MYOZ1: variants seen among roughly 807,000 people sequenced by gnomAD.
MYOZ1 encodes myozenin 1.
MYOZ1 carries 20 observed loss-of-function variants against 28.7 expected under a neutral mutation model. The ratio of observed to expected loss-of-function variants is 0.70; its 90% CI spans 0.49 to 1.01. The LOEUF (loss-of-function observed/expected upper bound fraction) is 1.01. MYOZ1 is among the 50% of genes least tolerant of loss of function. The pLI is 0.00. For synonymous variants in MYOZ1, 144 were observed against 145.8 expected (o/e 0.99, Z 0.09); for missense variants, 371 against 372.4 (o/e 1.00, Z 0.03).
Position 73,631,821 on chromosome 10 carries a change from TCC to T in MYOZ1, c.*107_*108del. 4 of 955,370 alleles carry T rather than the reference TCC, an allele frequency of 4.2e-6. No homozygotes were observed. Among genetic ancestry groups the T allele is most frequent in the East Asian group, 5.2e-5 (2 of 38,426 alleles). The allele number at this position is 955,370 out of a possible 1,614,324, so 59.2% of individuals were successfully genotyped here. The stretch of plus-strand genomic sequence containing the variant: ...GAAAGGTAGATCTCTCCTTTTTCCC[TCC>T]ATTCCCATAAGGATACTGGATTAAC... On this transcript the variant is annotated 3_prime_UTR_variant, in exon 6 of 6. Coordinates refer to ENST00000359322, the MANE Select transcript of MYOZ1 (RefSeq NM_021245.4).
Position 73,634,550 on chromosome 10 carries a change from C to A in MYOZ1, c.436G>T (p.Gly146Cys). 1 of 1,614,144 alleles carries A rather than the reference C, an allele frequency of 6.2e-7. No homozygotes were observed. The highest frequency in any genetic ancestry group is 8.5e-7 in the Non-Finnish European group (1 of 1,180,038). Residue 146 changes from glycine (G) to cysteine (C), a missense_variant, in exon 4 of 6, where the codon GGT becomes TGT. Gly to Cys is a radical substitution (Grantham distance 159). Transcript: ENST00000359322. Reference sequence around the variant, plus strand: ...CCTCTGCCAGCCTGGCCCGCGGGACCACCTGTACCCCCAGCTCCAGACCCA... The same window carrying A: ...CCTCTGCCAGCCTGGCCCGCGGGACAACCTGTACCCCCAGCTCCAGACCCA... Reference protein sequence around the residue: ...GSGSGAGGTGGPAGQAGRGGA... With the variant: ...GSGSGAGGTGCPAGQAGRGGA...
chr10:73,633,608 C>T (rs776325109), intron 5 of MYOZ1, among the ~76,000 whole-genome samples: 6 of 152,052 alleles, frequency 3.9e-5, no homozygotes, highest in Non-Finnish European at 8.8e-5. Flanking sequence ...ATAAGTGTAA[C>T]GTTCAAAGCA....
chr10:73,639,639 C>G (rs1466618536), intron 2 of MYOZ1, among the ~76,000 whole-genome samples: 2 of 152,172 alleles, frequency 1.3e-5, no homozygotes, highest in Admixed American at 6.5e-5. Context: ...TGAGTCTGTG[C>G]CAGTCTCCAT....
At chr10:73,638,033 G>C in intron 2 of MYOZ1, 111 bp from the exon 3 acceptor site, 1 of 958,356 alleles carries the variant, frequency 1.0e-6, no homozygotes, top group Non-Finnish European at 1.6e-6. Context: ...CCTGGCAGAG[G>C]TCATTTAGGG....
chr10:73,632,948 T>G, intron 5 of MYOZ1, among the ~76,000 whole-genome samples: 1 of 151,930 alleles, frequency 6.6e-6, no homozygotes, highest in East Asian at 1.9e-4. Flanking sequence ...CACACAGACC[T>G]CCTCTCCATG....
chr10:73,639,962 A>T lies in MYOZ1; in HGVS notation c.56T>A (p.Ile19Asn). 1.2e-6 allele frequency: 2 copies of T among 1,613,956 alleles called. No individual in the cohort carries two copies. Among genetic ancestry groups the T allele is most frequent in the Non-Finnish European group, 1.7e-6 (2 of 1,179,946 alleles). ...PNKKRKSSKLIMELTGGGQES... is the reference protein window; with the variant it reads ...PNKKRKSSKLNMELTGGGQES... ...TGTCCTACCTCCAGTGAGTTCCATGATCAGCTTGCTGGATTTCCTCTTCTT... is the reference window on the plus strand; with the variant it reads ...TGTCCTACCTCCAGTGAGTTCCATGTTCAGCTTGCTGGATTTCCTCTTCTT... Residue 19 changes from isoleucine to asparagine, a missense_variant, in exon 2 of 6, where the codon ATC becomes AAC. Transcript: ENST00000359322.
intron 3 of MYOZ1, among the ~76,000 whole-genome samples, chr10:73,635,708 G>A (rs2081663784): frequency 6.6e-6 from 1 of 152,156 alleles, no homozygotes; most frequent in Admixed American, 6.5e-5. Flanking sequence ...GGATGGGGTT[G>A]CCATGGAGCA....
intron 5 of MYOZ1, among the ~76,000 whole-genome samples, chr10:73,633,322 G>GA (rs1250822950): frequency 1.3e-5 from 2 of 151,904 alleles, no homozygotes; most frequent in Admixed American, 6.6e-5. Context: ...AGAAAGAAAA[G>GA]AAAAAAGTAT....
chr10:73,633,800 C>T, intron 5 of MYOZ1, 100 bp downstream of exon 5: 1 of 1,323,532 alleles, frequency 7.6e-7, no homozygotes, highest in Non-Finnish European at 1.0e-6. Flanking sequence ...TGCCATCTCT[C>T]CTTAGCCTCC....
chr10:73,637,904 C>G lies in MYOZ1; in HGVS notation c.92G>C (p.Gly31Ala). ...ACTGATCTTTTTGCCCAGGTTCAAG[C>G]CTGAGCTCTCCTGTCCACCTTTCAG... ...ELTGGGQESSGLNLGKKISVP... is the reference protein window; with the variant it reads ...ELTGGGQESSALNLGKKISVP... Residue 31 changes from glycine (G) to alanine (A), a missense_variant, in exon 3 of 6, where the codon GGC becomes GCC. Gly to Ala is a moderately conservative substitution (Grantham distance 60, BLOSUM62 0). Coordinates refer to ENST00000359322, the MANE Select transcript of MYOZ1 (RefSeq NM_021245.4). 1.9e-6 allele frequency: 3 copies of G among 1,612,384 alleles called. No homozygotes were observed. Among genetic ancestry groups the G allele is most frequent in the Non-Finnish European group, 2.5e-6 (3 of 1,179,488 alleles).
chr10:73,634,552 C>T lies in MYOZ1; in HGVS notation c.434G>A (p.Gly145Asp). Reference protein sequence around the residue: ...LGSGSGAGGTGGPAGQAGRGG... With the variant: ...LGSGSGAGGTDGPAGQAGRGG... ...TCTGCCAGCCTGGCCCGCGGGACCA[C>T]CTGTACCCCCAGCTCCAGACCCAGA... is the stretch of plus-strand genomic sequence containing the variant. Residue 145 changes from glycine to aspartate, a missense_variant, in exon 4 of 6, where the codon GGT becomes GAT. Transcript: ENST00000359322. 6.2e-7 allele frequency: 1 copy of T among 1,614,160 alleles called. No individual in the cohort carries two copies. Among genetic ancestry groups the T allele is most frequent in the Non-Finnish European group, 8.5e-7 (1 of 1,180,020 alleles).
At chr10:73,635,468 A>G (rs1589445909) in intron 3 of MYOZ1, among the ~76,000 whole-genome samples, 1 of 150,878 alleles carries the variant, frequency 6.6e-6, no homozygotes, top group South Asian at 2.1e-4. Context: ...TGCAACCTCC[A>G]CCTCCCTGGC....
At chr10:73,632,283 ACTC>A in intron 5 of MYOZ1, 122 bp from the exon 6 acceptor site, 1 of 866,520 alleles carries the variant, frequency 1.2e-6, no homozygotes, top group South Asian at 1.7e-5. Context: ...TTGCATCTGT[ACTC>A]CTTCTTCTTC....
chr10:73,632,503 G>T (rs1343533956), intron 5 of MYOZ1, among the ~76,000 whole-genome samples: 1 of 152,024 alleles, frequency 6.6e-6, no homozygotes, highest in Non-Finnish European at 1.5e-5. Context: ...GGTGGCTCAC[G>T]CCTGTAATCC....
At chr10:73,640,231 C>A (rs183565371) in intron 1 of MYOZ1, among the ~76,000 whole-genome samples, 196 bp from the exon 2 acceptor site, 1 of 152,218 alleles carries the variant, frequency 6.6e-6, no homozygotes, top group African/African-American at 2.4e-5. Context: ...TCACTGCAGC[C>A]TCAACCTCCC....
At chr10:73,634,290 T>G (rs898139701) in intron 4 of MYOZ1, among the ~76,000 whole-genome samples, 194 bp downstream of exon 4, 1 of 152,140 alleles carries the variant, frequency 6.6e-6, no homozygotes, top group Non-Finnish European at 1.5e-5. Context: ...CTGGGTAGAA[T>G]AGACACATCT....
intron 2 of MYOZ1, among the ~76,000 whole-genome samples, chr10:73,639,314 G>T (rs952103542): frequency 5.3e-5 from 8 of 152,002 alleles, no homozygotes; most frequent in Non-Finnish European, 8.8e-5. Context: ...GTAGAGACGA[G>T]GTTTTACCAT....
chr10:73,633,974 T>G lies in MYOZ1; in HGVS notation c.594A>C (p.Gln198His). The change falls in exon 5 of 6, where the codon CAA (glutamine) becomes CAC (histidine). Residue 198 changes from glutamine (Q) to histidine (H), a missense_variant. Gln to His is a conservative substitution (Grantham distance 24). Coordinates refer to ENST00000359322, the MANE Select transcript of MYOZ1 (RefSeq NM_021245.4). ...WERAMGVDPQ[Q>H]KMELGIDLLA... ...GCAGGTCAATGCCAAGTTCCATTTT[T>G]TGCTGGGGGTCAACCCCCATGGCTC... 1 of 1,614,078 alleles carries G rather than the reference T, an allele frequency of 6.2e-7. No individual in the cohort carries two copies. The highest frequency in any genetic ancestry group is 8.5e-7 in the Non-Finnish European group (1 of 1,179,966).
intron 3 of MYOZ1, among the ~76,000 whole-genome samples, chr10:73,636,331 T>G (rs1048379826): frequency 6.6e-6 from 1 of 152,232 alleles, no homozygotes; most frequent in Non-Finnish European, 1.5e-5. Flanking sequence ...ACTGACCCTT[T>G]AAATGGAAGA....
Sources: gnomAD v4.1 joint callset for allele counts (sites outside exome capture counted in the v4.1 genomes callset) on GRCh38, gnomAD v4.1.1 for gene constraint, MANE v1.5 for transcripts, NCBI Gene and HGNC (gene_info 2026-07-23, HGNC 2026-07-21) for gene names.